The following AGPAT5 variants were observed in gnomAD, a reference collection of about 807,000 sequenced individuals.
The protein encoded by AGPAT5 is 1-acyl-sn-glycerol-3-phosphate acyltransferase epsilon.
In AGPAT5, 46 loss-of-function variants were observed where a neutral mutation model predicts 45.6. The observed-to-expected ratio is 1.01, with a 90% CI of 0.80 to 1.29. The LOEUF is 1.29. AGPAT5 is among the 50% of genes most tolerant of loss of function. The pLI is 0.00. For missense variants in AGPAT5, 673 were observed against 450.7 expected (o/e 1.49, Z -4.47); for synonymous variants, 272 against 167.0 (o/e 1.63, Z -4.85).
chr8:6,746,618 T>A lies in AGPAT5; in HGVS notation c.587-1052T>A, dbSNP rs553802006. ...TTTGTTGCAAGTTTGTGAATCAATT[T>A]AACTGCCCCTGCCCTGGGGACTAAA... is the stretch of plus-strand genomic sequence containing the variant. On this transcript the variant is annotated intron_variant, in intron 5 of 7. Coordinates refer to ENST00000285518, the MANE Select transcript of AGPAT5 (RefSeq NM_018361.5). Among the ~76,000 whole-genome samples, 148 of 152,334 alleles carry A rather than the reference T, an allele frequency of 9.7e-4. 2 individuals are homozygous for A. The highest frequency in any genetic ancestry group is 3.5e-3 in the African/African-American group (145 of 41,580).
chr8:6,739,447 CTTTA>C (rs1057087205), intron 4 of AGPAT5, among the ~76,000 whole-genome samples: 5 of 151,956 alleles, frequency 3.3e-5, no homozygotes, highest in Admixed American at 2.0e-4. Context: ...CTTAGGTCTT[CTTTA>C]TTTATCTCAG....
intron 4 of AGPAT5, among the ~76,000 whole-genome samples, chr8:6,733,607 T>C (rs1317850843): frequency 6.6e-6 from 1 of 152,182 alleles, no homozygotes; most frequent in Non-Finnish European, 1.5e-5. Flanking sequence ...CTTCAAAGGG[T>C]CTGTTTAGTC....
rs991618240 is a variant in AGPAT5 at position 6,740,389 on chromosome 8, G to T, written c.496-1272G>T. ...TTGCTATAATATAATAAGGAATTTT[G>T]TATGTTTTTCCTAATTGTACCCACT... On this transcript the variant is annotated intron_variant, in intron 4 of 7. Coordinates refer to ENST00000285518, the MANE Select transcript of AGPAT5 (RefSeq NM_018361.5). 3.3e-5 allele frequency among the ~76,000 whole-genome samples: 5 copies of T among 151,278 alleles called. No individual in the cohort carries two copies. In the East Asian group the frequency reaches 9.7e-4, roughly 29 times the overall value.
chr8:6,720,321 A>G (rs543514255), intron 1 of AGPAT5, among the ~76,000 whole-genome samples: 1 of 152,316 alleles, frequency 6.6e-6, no homozygotes, highest in South Asian at 2.1e-4. Flanking sequence ...GCAAAAATAG[A>G]TAGAGATAGT....
At chr8:6,721,269 A>C (rs1800487314) in intron 1 of AGPAT5, among the ~76,000 whole-genome samples, 1 of 152,262 alleles carries the variant, frequency 6.6e-6, no homozygotes, top group Admixed American at 6.5e-5. Flanking sequence ...TAAAAGTTCA[A>C]GTAATTATAA....
At chr8:6,754,350 A>T (rs1209313776) in intron 6 of AGPAT5, among the ~76,000 whole-genome samples, 2 of 152,214 alleles carry the variant, frequency 1.3e-5, no homozygotes, top group Non-Finnish European at 2.9e-5. Context: ...TCTTTTACCA[A>T]TTATATAATA....
chr8:6,726,270 C>G (rs1320170698), intron 2 of AGPAT5, among the ~76,000 whole-genome samples: 4 of 152,176 alleles, frequency 2.6e-5, no homozygotes, highest in African/African-American at 7.2e-5. Context: ...TTTTAAATAT[C>G]AAACAAAAGG....
intron 6 of AGPAT5, among the ~76,000 whole-genome samples, chr8:6,748,610 T>C (rs1801556662): frequency 6.6e-6 from 1 of 152,176 alleles, no homozygotes; most frequent in Middle Eastern, 3.2e-3. Context: ...GTTCACACGA[T>C]TCTCCTGCCT....
intron 1 of AGPAT5, among the ~76,000 whole-genome samples, chr8:6,718,266 C>T (rs984028715): frequency 1.3e-5 from 2 of 152,180 alleles, no homozygotes; most frequent in African/African-American, 2.4e-5. Context: ...CATGGCAGTT[C>T]CACAGCATGA....
chr8:6,732,743 T>A, intron 4 of AGPAT5, 93 bp downstream of exon 4: 1 of 1,125,634 alleles, frequency 8.9e-7, no homozygotes. Context: ...TGACAATGTA[T>A]TTTCCCATGT....
chr8:6,716,885 G>A (rs1221981165), intron 1 of AGPAT5, among the ~76,000 whole-genome samples: 2 of 152,138 alleles, frequency 1.3e-5, no homozygotes, highest in Non-Finnish European at 2.9e-5. Context: ...GAGTACTCTA[G>A]GGAATTCTAG....
At chr8:6,756,681 A>G (rs542512262) in intron 7 of AGPAT5, among the ~76,000 whole-genome samples, 5 of 151,234 alleles carry the variant, frequency 3.3e-5, no homozygotes, top group South Asian at 4.2e-4. Flanking sequence ...TTTTATTCAT[A>G]TATCAGGGAC....
intron 1 of AGPAT5, 69 bp downstream of exon 1, chr8:6,708,956 C>T: frequency 1.4e-6 from 2 of 1,464,308 alleles, no homozygotes; most frequent in Non-Finnish European, 1.9e-6. Flanking sequence ...CTCTCCGCTC[C>T]CCCACAGCTG....
intron 4 of AGPAT5, among the ~76,000 whole-genome samples, chr8:6,738,134 T>C (rs1255775490): frequency 6.6e-6 from 1 of 152,240 alleles, no homozygotes; most frequent in Non-Finnish European, 1.5e-5. Context: ...CATCCGCAAC[T>C]TGGCTGTTTA....
chr8:6,715,303 G>C (rs1800285002), intron 1 of AGPAT5, among the ~76,000 whole-genome samples: 1 of 152,188 alleles, frequency 6.6e-6, no homozygotes, highest in South Asian at 2.1e-4. Flanking sequence ...GGGCCAGCTT[G>C]GAAGGTAATG....
At chr8:6,735,107 T>G (rs114363862) in intron 4 of AGPAT5, among the ~76,000 whole-genome samples, 1,592 of 152,280 alleles carry the variant, frequency 0.01, 23 homozygotes, top group African/African-American at 0.037. Flanking sequence ...CTGCCTTGCT[T>G]CTGGCTGTAA....
chr8:6,718,954 A>G (rs757383670), intron 1 of AGPAT5, among the ~76,000 whole-genome samples: 10 of 152,254 alleles, frequency 6.6e-5, no homozygotes, highest in Non-Finnish European at 1.5e-4. Context: ...CAAGGGATCA[A>G]GTAACAATAA....
intron 7 of AGPAT5, 105 bp downstream of exon 7, chr8:6,755,279 C>G: frequency 8.2e-7 from 1 of 1,225,218 alleles, no homozygotes; most frequent in South Asian, 1.5e-5. Context: ...CTCAAGAATA[C>G]ATTTTATAAA....
intron 3 of AGPAT5, 151 bp from the exon 4 acceptor site, chr8:6,732,410 G>T (rs1270317307): frequency 2.1e-6 from 1 of 485,192 alleles, no homozygotes; most frequent in African/African-American, 2.0e-5. Flanking sequence ...ATGTTCTTTA[G>T]AAGCTAATGT....
Sources: gnomAD v4.1 joint callset for allele counts (sites outside exome capture counted in the v4.1 genomes callset) on GRCh38, gnomAD v4.1.1 for gene constraint, MANE v1.5 for transcripts, NCBI Gene and HGNC (gene_info 2026-07-23, HGNC 2026-07-21) for gene names.